Variants in AQR observed in about 807,000 individuals in gnomAD.
AQR encodes aquarius intron-binding spliceosomal factor.
Under a neutral mutation model 180.5 loss-of-function variants are expected in AQR, and 61 were observed. The observed-to-expected ratio is 0.34, with a 90% CI of 0.28 to 0.42. The LOEUF (loss-of-function observed/expected upper bound fraction) is 0.42. AQR is among the 10% of genes least tolerant of loss of function. The pLI is 1.00. For synonymous variants in AQR, 551 were observed against 588.8 expected (o/e 0.94, Z 0.93); for missense variants, 1,281 against 1,798.3 (o/e 0.71, Z 5.20).
chr15:34,947,542 TAAATAA>T (rs925491233), intron 5 of AQR, among the ~76,000 whole-genome samples: 116 of 142,864 alleles, frequency 8.1e-4, no homozygotes, highest in South Asian at 7.5e-3. Context: ...AATAATAAAA[TAAATAA>T]AAATAAAAAT....
At chr15:34,969,198 G>C (rs1321006704) in intron 1 of AQR, among the ~76,000 whole-genome samples, 1 of 152,130 alleles carries the variant, frequency 6.6e-6, no homozygotes, top group Non-Finnish European at 1.5e-5. Flanking sequence ...AAGCCTACTT[G>C]CCAGTCTCAG....
In AQR at chr15:34,914,966, A is replaced by G. The variant is rs536280491; in HGVS notation, c.1484+72T>C. The G allele has an allele frequency of 4.1e-6, 6 of 1,458,324 alleles. No individual in the cohort carries two copies. In the Admixed American group the frequency reaches 7.1e-5, roughly 17 times the overall value. 90.3% of individuals were successfully genotyped at this position (1,458,324 alleles called of 1,614,324 possible). ...CAGTATATTATTTCTAAATATACTT[A>G]TAAGGTTTCTGACAGAAGTTTATCA... On this transcript the variant is annotated intron_variant, in intron 16 of 34. Coordinates refer to ENST00000156471, the MANE Select transcript of AQR (RefSeq NM_014691.3).
intron 31 of AQR, chr15:34,867,850 A>G (rs1020831192): frequency 5.9e-6 from 2 of 337,534 alleles, no homozygotes; most frequent in Non-Finnish European, 1.1e-5. Context: ...TTTGCTGATA[A>G]CTAAATAACT....
chr15:34,939,041 C>T (rs1893985020), intron 8 of AQR, among the ~76,000 whole-genome samples: 1 of 152,064 alleles, frequency 6.6e-6, no homozygotes, highest in Admixed American at 6.6e-5. Context: ...CAAGCACCTC[C>T]TTCTCTCACC....
At chr15:34,961,403 A>G (rs543605629) in intron 2 of AQR, among the ~76,000 whole-genome samples, 1 of 152,054 alleles carries the variant, frequency 6.6e-6, no homozygotes, top group South Asian at 2.1e-4. Context: ...TGAGGTCAAG[A>G]GATCAAGACC....
chr15:34,961,064 A>G (rs1310965564), intron 2 of AQR, among the ~76,000 whole-genome samples: 1 of 152,228 alleles, frequency 6.6e-6, no homozygotes, highest in Non-Finnish European at 1.5e-5. Flanking sequence ...ATGTGCTTAT[A>G]AAGATTTTTA....
intron 32 of AQR, among the ~76,000 whole-genome samples, chr15:34,863,753 A>AT (rs751245409): frequency 6.6e-6 from 1 of 152,116 alleles, no homozygotes; most frequent in Admixed American, 6.6e-5. Context: ...TCTTTAATTT[A>AT]TTTTTTTAAA....
At chr15:34,867,292 G>GT (rs1221173068) in intron 32 of AQR, among the ~76,000 whole-genome samples, 1 of 151,998 alleles carries the variant, frequency 6.6e-6, no homozygotes, top group African/African-American at 2.4e-5. Flanking sequence ...ATCTCTGAGG[G>GT]TTACTAAAGG....
rs192432091 is a variant in AQR, at chr15:34,881,058, G to C, written c.3165+1444C>G. On this transcript the variant is annotated intron_variant, in intron 27 of 34. Transcript: ENST00000156471. ...AAAATGACTACTGAAAGTTTGATAA[G>C]TAGTATTCTTTAGAACACAGGCAAA... Among the ~76,000 whole-genome samples the C allele has an allele frequency of 3.2e-3, 489 of 152,304 alleles. 2 individuals carry two copies. Among genetic ancestry groups the C allele is most frequent in the Non-Finnish European group, 4.9e-3 (333 of 68,038 alleles).
At chr15:34,910,089 C>A in intron 17 of AQR, 46 bp downstream of exon 17, 1 of 1,596,402 alleles carries the variant, frequency 6.3e-7, no homozygotes. Flanking sequence ...AGTGAAAGTT[C>A]ATAACAAGGC....
intron 34 of AQR, among the ~76,000 whole-genome samples, chr15:34,858,466 T>A (rs1019552203): frequency 2.6e-5 from 4 of 152,160 alleles, no homozygotes; most frequent in African/African-American, 9.7e-5. Flanking sequence ...ATCTTATTCA[T>A]GGATAGGAAG....
At chr15:34,968,040 C>T (rs1370880400) in intron 1 of AQR, among the ~76,000 whole-genome samples, 4 of 151,962 alleles carry the variant, frequency 2.6e-5, no homozygotes, top group African/African-American at 4.8e-5. Context: ...CTCGAACTCC[C>T]GACCTCAGGT....
chr15:34,943,020 G>T, intron 6 of AQR: 1 of 1,521,024 alleles, frequency 6.6e-7, no homozygotes, highest in Non-Finnish European at 9.1e-7. Flanking sequence ...ATTTCTATTT[G>T]TTCTGTTTAG....
intron 13 of AQR, among the ~76,000 whole-genome samples, chr15:34,923,041 T>C (rs1020289659): frequency 2.6e-5 from 4 of 152,162 alleles, no homozygotes; most frequent in Admixed American, 6.5e-5. Flanking sequence ...CAGTTACTCA[T>C]GGTTGACCAG....
intron 18 of AQR, among the ~76,000 whole-genome samples, chr15:34,906,041 A>G (rs552724825): frequency 3.3e-5 from 5 of 151,860 alleles, no homozygotes; most frequent in East Asian, 2.0e-4. Context: ...CTTGGGGGGA[A>G]AAAAAGAAAA....
chr15:34,924,459 T>A (rs1238612333), intron 13 of AQR, among the ~76,000 whole-genome samples: 1 of 151,204 alleles, frequency 6.6e-6, no homozygotes, highest in Non-Finnish European at 1.5e-5. Flanking sequence ...TGAGACAGAG[T>A]CTCACTCTGT....
intron 5 of AQR, among the ~76,000 whole-genome samples, chr15:34,946,656 G>T (rs1456709431): frequency 7.0e-6 from 1 of 142,970 alleles, no homozygotes. Flanking sequence ...GCCCCTACTG[G>T]AAAGTGAGGA....
At chr15:34,929,465 T>C (rs1007815035) in intron 12 of AQR, among the ~76,000 whole-genome samples, 2 of 152,194 alleles carry the variant, frequency 1.3e-5, no homozygotes, top group Non-Finnish European at 2.9e-5. Context: ...CCATTGCTTG[T>C]TTTTGTCAGG....
intron 14 of AQR, among the ~76,000 whole-genome samples, chr15:34,918,860 C>G (rs1215075329): frequency 6.6e-6 from 1 of 152,228 alleles, no homozygotes; most frequent in Non-Finnish European, 1.5e-5. Context: ...GTTTATTAAT[C>G]TATCACCCTA....
Sources: gnomAD v4.1 joint callset for allele counts (sites outside exome capture counted in the v4.1 genomes callset) on GRCh38, gnomAD v4.1.1 for gene constraint, MANE v1.5 for transcripts, NCBI Gene and HGNC (gene_info 2026-07-23, HGNC 2026-07-21) for gene names.